The following PPM1L variants were observed in gnomAD, a reference collection of about 807,000 sequenced individuals.
The protein encoded by PPM1L is protein phosphatase, Mg2+/Mn2+ dependent 1L.
Under a neutral mutation model 31.4 loss-of-function variants are expected in PPM1L, and 13 were observed. The ratio of observed to expected loss-of-function variants is 0.41; its 90% confidence interval spans 0.27 to 0.66. The LOEUF (loss-of-function observed/expected upper bound fraction) is 0.66. Among genes scored for constraint, PPM1L ranks in the 30% least tolerant of loss-of-function variants. The probability of loss-of-function intolerance (pLI) is 0.29; values close to 1 mark genes in which losing one functional copy is unlikely to be tolerated. For synonymous variants in PPM1L, 184 were observed against 175.4 expected (o/e 1.05, Z -0.39); for missense variants, 326 against 453.7 (o/e 0.72, Z 2.56).
At chr3:161,040,364 A>G (rs1158300010) in intron 2 of PPM1L, among the ~76,000 whole-genome samples, 1 of 152,206 alleles carries the variant, frequency 6.6e-6, no homozygotes, top group Non-Finnish European at 1.5e-5. Flanking sequence ...CCTGGATGTC[A>G]TTCATCCATT....
chr3:160,896,223 GA>G (rs561988488), intron 1 of PPM1L, among the ~76,000 whole-genome samples: 2 of 152,032 alleles, frequency 1.3e-5, no homozygotes, highest in African/African-American at 2.4e-5. Flanking sequence ...TAGTGTATGG[GA>G]AAAAAATCTT....
rs564248370 is a variant in PPM1L, at chr3:160,913,454, C to T, written c.400-48282C>T. On this transcript the variant is annotated intron_variant, in intron 1 of 3. Coordinates refer to ENST00000498165, the MANE Select transcript of PPM1L (RefSeq NM_139245.4). Reference sequence around the variant, plus strand: ...AAACAAACCCATTTTAAGTACATTTCAGTGAGTTTTGATAAATGTATATAG... The same window carrying T: ...AAACAAACCCATTTTAAGTACATTTTAGTGAGTTTTGATAAATGTATATAG... Among the ~76,000 whole-genome samples the T allele has an allele frequency of 8.3e-4, 127 of 152,256 alleles. 1 individual carries two copies. Among genetic ancestry groups the T allele is most frequent in the African/African-American group, 2.9e-3 (119 of 41,542 alleles).
chr3:160,921,976 G>A (rs1426326822), intron 1 of PPM1L, among the ~76,000 whole-genome samples: 2 of 152,138 alleles, frequency 1.3e-5, no homozygotes, highest in African/African-American at 4.8e-5. Context: ...AGTATACAAA[G>A]GTTACTAATG....
At chr3:160,976,374 T>C (rs1460822869) in intron 2 of PPM1L, among the ~76,000 whole-genome samples, 1 of 141,932 alleles carries the variant, frequency 7.0e-6, no homozygotes, top group African/African-American at 2.7e-5. Context: ...GGTATCAGGA[T>C]GATGCTGGCC....
At chr3:161,019,126 A>T (rs1405381329) in intron 2 of PPM1L, among the ~76,000 whole-genome samples, 2 of 152,188 alleles carry the variant, frequency 1.3e-5, no homozygotes, top group Non-Finnish European at 2.9e-5. Flanking sequence ...AGATAATACT[A>T]TAGATGATGC....
intron 1 of PPM1L, among the ~76,000 whole-genome samples, chr3:160,773,273 T>C (rs1453708537): frequency 6.6e-6 from 1 of 152,258 alleles, no homozygotes; most frequent in African/African-American, 2.4e-5. Flanking sequence ...TTTTCATGTA[T>C]ATTTTAGAAG....
chr3:160,910,921 G>C (rs868147133), intron 1 of PPM1L, among the ~76,000 whole-genome samples: 1 of 152,294 alleles, frequency 6.6e-6, no homozygotes, highest in East Asian at 1.9e-4. Context: ...TGAACTCGGG[G>C]ATTCAGGAAC....
chr3:160,842,757 G>A (rs1713924168), intron 1 of PPM1L, among the ~76,000 whole-genome samples: 1 of 152,102 alleles, frequency 6.6e-6, no homozygotes, highest in Non-Finnish European at 1.5e-5. Context: ...ATTTTCAGTT[G>A]TTCCAGATTG....
At position 161,038,585 on chromosome 3, in the gene PPM1L, TAAAAAAAA is replaced by T. The variant is rs35502476; in HGVS notation, c.575-26798_575-26791del. Among the ~76,000 whole-genome samples, 163 of 110,626 alleles carry T rather than the reference TAAAAAAAA, an allele frequency of 1.5e-3. 3 individuals carry two copies. The highest frequency in any genetic ancestry group is 3.4e-3 in the African/African-American group (109 of 32,282). 72.6% of individuals were successfully genotyped at this position (110,626 alleles called of 152,430 possible). A position where few individuals can be genotyped will look rare whatever the true frequency, so the allele number is the denominator to read the frequency against. On this transcript the variant is annotated intron_variant, in intron 2 of 3. Coordinates refer to ENST00000498165, the MANE Select transcript of PPM1L (RefSeq NM_139245.4). ...CCTCCCAAAATGCTGGGATTTGTTTTAAAAAAAAAAAAAAAAAAAAAAAAAAAGCAAAA... is the reference window on the plus strand; with the variant it reads ...CCTCCCAAAATGCTGGGATTTGTTTTAAAAAAAAAAAAAAAAAAAGCAAAA...
At chr3:160,835,336 A>G (rs1713683658) in intron 1 of PPM1L, among the ~76,000 whole-genome samples, 1 of 151,500 alleles carries the variant, frequency 6.6e-6, no homozygotes, top group Non-Finnish European at 1.5e-5. Context: ...TGTTTTCAGT[A>G]TTCTCTAAAG....
chr3:160,804,769 C>T (rs1712547581), intron 1 of PPM1L, among the ~76,000 whole-genome samples: 1 of 152,152 alleles, frequency 6.6e-6, no homozygotes, highest in South Asian at 2.1e-4. Flanking sequence ...CTCTAATTGC[C>T]ATACATGGGG....
chr3:160,986,069 A>G (rs1013529737), intron 2 of PPM1L, among the ~76,000 whole-genome samples: 4 of 152,200 alleles, frequency 2.6e-5, no homozygotes, highest in Admixed American at 1.3e-4. Flanking sequence ...AAACTAGTCC[A>G]TTTATAAAAA....
At chr3:160,903,215 T>TGTGTGC in intron 1 of PPM1L, among the ~76,000 whole-genome samples, 1 of 130,278 alleles carries the variant, frequency 7.7e-6, no homozygotes, top group Middle Eastern at 3.9e-3. Context: ...TGTTTGTGTG[T>TGTGTGC]GTGTGTGTGT....
intron 2 of PPM1L, among the ~76,000 whole-genome samples, chr3:161,058,167 CA>C (rs1186451735): frequency 1.2e-5 from 1 of 84,482 alleles, no homozygotes; most frequent in Non-Finnish European, 2.6e-5. Flanking sequence ...CTCTGTCAGC[CA>C]GGCTGGAGTG....
chr3:160,821,170 C>G (rs764887406), intron 1 of PPM1L, among the ~76,000 whole-genome samples: 10 of 152,018 alleles, frequency 6.6e-5, no homozygotes, highest in Non-Finnish European at 1.5e-4. Context: ...CTATTCCTCT[C>G]TAGGTTTTCA....
intron 2 of PPM1L, among the ~76,000 whole-genome samples, chr3:161,004,928 A>T (rs1717650455): frequency 6.6e-6 from 1 of 151,686 alleles, no homozygotes; most frequent in African/African-American, 2.4e-5. Flanking sequence ...TTTAATTGTG[A>T]TGTTAGGGTG....
intron 2 of PPM1L, among the ~76,000 whole-genome samples, chr3:161,044,388 T>TTTA (rs1205259697): frequency 5.1e-5 from 5 of 97,462 alleles, no homozygotes; most frequent in South Asian, 7.5e-4. Flanking sequence ...TTATTTATTT[T>TTTA]TTAGTGGGAG....
intron 1 of PPM1L, among the ~76,000 whole-genome samples, chr3:160,888,189 C>T (rs751431963): frequency 2.0e-4 from 31 of 152,122 alleles, no homozygotes; most frequent in Non-Finnish European, 3.8e-4. Flanking sequence ...ATAATACTAA[C>T]CTTAAATGTA....
intron 2 of PPM1L, among the ~76,000 whole-genome samples, chr3:160,971,794 C>T (rs1010942733): frequency 3.9e-5 from 6 of 152,126 alleles, no homozygotes; most frequent in Admixed American, 3.9e-4. Flanking sequence ...GACAGGGTCT[C>T]ACCCTGTTGC....
Sources: allele counts gnomAD v4.1 joint callset (sites outside exome capture counted in the v4.1 genomes callset), GRCh38; gene constraint gnomAD v4.1.1; transcripts MANE v1.5; gene names NCBI Gene and HGNC (gene_info 2026-07-23, HGNC 2026-07-21).